Variants in STK3 observed in about 807,000 individuals in gnomAD.
STK3 encodes serine/threonine kinase 3.
In STK3, 41 loss-of-function variants were observed where a neutral mutation model predicts 58.0. The ratio of observed to expected loss-of-function variants is 0.71; its 90% CI spans 0.55 to 0.92. STK3 has a LOEUF of 0.92. STK3 is among the 40% of genes least tolerant of loss of function. The probability of loss-of-function intolerance (pLI) is 0.00; values close to 1 mark genes in which losing one functional copy is unlikely to be tolerated. For missense variants in STK3, 479 were observed against 602.7 expected (o/e 0.79, Z 2.15); for synonymous variants, 170 against 191.0 (o/e 0.89, Z 0.91).
At chr8:98,614,950 G>A (rs1009344981) in intron 6 of STK3, among the ~76,000 whole-genome samples, 2 of 152,198 alleles carry the variant, frequency 1.3e-5, no homozygotes, top group African/African-American at 2.4e-5. Flanking sequence ...CAACTGGGTG[G>A]AGCCCACCAG....
intron 6 of STK3, among the ~76,000 whole-genome samples, chr8:98,649,219 GT>G (rs564799985): frequency 1.3e-5 from 2 of 151,432 alleles, no homozygotes; most frequent in African/African-American, 4.9e-5. Flanking sequence ...CTAATTTGTA[GT>G]TTTTTTTAAT....
At chr8:98,720,409 C>T (rs2131179758) in intron 4 of STK3, among the ~76,000 whole-genome samples, 1 of 152,230 alleles carries the variant, frequency 6.6e-6, no homozygotes, top group South Asian at 2.1e-4. Flanking sequence ...ACTTCCATCC[C>T]ACCACTGCCA....
At position 98,872,203 on chromosome 8, in the gene STK3, G is replaced by A. The variant is rs201399287; in HGVS notation, c.110+11444C>T. Reference sequence around the variant, plus strand: ...TCCCAGGGGTGAAGCCAAGTTGATCGTGGTGGATAAGCTTTTTGATGTGCT... The same window carrying A: ...TCCCAGGGGTGAAGCCAAGTTGATCATGGTGGATAAGCTTTTTGATGTGCT... On this transcript the variant is annotated intron_variant, in intron 3 of 12. Coordinates refer to the STK3 transcript ENST00000523601. 5.9e-5 allele frequency among the ~76,000 whole-genome samples: 9 copies of A among 152,248 alleles called. No individual in the cohort carries two copies. In the East Asian group the frequency reaches 1.3e-3, roughly 23 times the overall value.
intron 3 of STK3, among the ~76,000 whole-genome samples, chr8:98,864,971 A>T (rs1469379353): frequency 4.6e-5 from 7 of 152,206 alleles, no homozygotes; most frequent in Non-Finnish European, 1.0e-4. Context: ...CAGAACTTGC[A>T]CATATCACTT....
At chr8:98,507,917 T>C (rs1824215901) in intron 10 of STK3, among the ~76,000 whole-genome samples, 1 of 152,196 alleles carries the variant, frequency 6.6e-6, no homozygotes, top group South Asian at 2.1e-4. Context: ...CTACTCAATA[T>C]TGCAAGCCCT....
At chr8:98,438,677 T>A (rs1818580407) in intron 1 of STK3, 2 of 148,162 alleles carry the variant, frequency 1.3e-5, no homozygotes, top group Non-Finnish European at 3.0e-5. Flanking sequence ...CATGTGTGTA[T>A]CTATGTGTGT....
intron 1 of STK3, chr8:98,782,619 C>T (rs1050614514): frequency 1.7e-5 from 4 of 229,356 alleles, no homozygotes; most frequent in Middle Eastern, 1.6e-3. Flanking sequence ...GAGGAAGAGA[C>T]GAGGAAATAA....
At position 98,571,202 on chromosome 8, in the gene STK3, C is replaced by T. The variant is rs543729463; in HGVS notation, c.948+8462G>A. Among the ~76,000 whole-genome samples the T allele has an allele frequency of 4.9e-4, 75 of 152,200 alleles. 2 individuals carry two copies. The South Asian group carries it at 0.012, about 24-fold the overall frequency. On this transcript the variant is annotated intron_variant, in intron 8 of 10. Transcript: ENST00000419617. Reference sequence around the variant, plus strand: ...AAAATTAGCTGGGCATGGTGGCACACGCCTGTAACCCTAGCTACCTGGGAG... The same window carrying T: ...AAAATTAGCTGGGCATGGTGGCACATGCCTGTAACCCTAGCTACCTGGGAG...
At chr8:98,735,720 G>C (rs1828526960) in intron 4 of STK3, among the ~76,000 whole-genome samples, 1 of 152,090 alleles carries the variant, frequency 6.6e-6, no homozygotes, top group Non-Finnish European at 1.5e-5. Context: ...TGCCAACTCT[G>C]TGATCTGGCC....
chr8:98,544,135 T>C (rs1810506181), intron 9 of STK3, among the ~76,000 whole-genome samples: 2 of 151,896 alleles, frequency 1.3e-5, no homozygotes, highest in Non-Finnish European at 1.5e-5. Flanking sequence ...GCCTCTAAGC[T>C]GGATATAGAA....
At chr8:98,432,109 T>C (rs1328746420) in intron 3 of STK3, 1 of 166,754 alleles carries the variant, frequency 6.0e-6, no homozygotes, top group African/African-American at 2.4e-5. Context: ...CACTGGGTCT[T>C]TGATCGACCT....
At position 98,500,550 on chromosome 8, in the gene STK3, C is replaced by T. The variant is rs538935079; in HGVS notation, c.1317+26192G>A. Among the ~76,000 whole-genome samples the T allele has an allele frequency of 2.6e-5, 4 of 151,904 alleles. No homozygotes were observed. In the East Asian group the frequency reaches 7.8e-4, roughly 30 times the overall value. ...ATGACAGGCCCCCATGTGTGATGTT[C>T]CCCGCCCTGTGTCCAAGTGTTCTCA... On this transcript the variant is annotated intron_variant, in intron 10 of 10. Coordinates refer to ENST00000419617, the MANE Select transcript of STK3 (RefSeq NM_006281.4).
intron 10 of STK3, among the ~76,000 whole-genome samples, chr8:98,469,217 A>G (rs1435731278): frequency 7.0e-6 from 1 of 142,220 alleles, no homozygotes; most frequent in Non-Finnish European, 1.5e-5. Context: ...TTAGATGATT[A>G]TAATACACGA....
At chr8:98,609,921 C>A (rs1032158151) in intron 6 of STK3, among the ~76,000 whole-genome samples, 1 of 150,384 alleles carries the variant, frequency 6.6e-6, no homozygotes, top group African/African-American at 2.5e-5. Flanking sequence ...GATCAGAGAT[C>A]GCACCACCGC....
At chr8:98,893,470 GAAAGAA>G (rs1279162223) in intron 1 of STK3, among the ~76,000 whole-genome samples, 6 of 76,362 alleles carry the variant, frequency 7.9e-5, no homozygotes, top group African/African-American at 3.3e-4. Context: ...AAGAAAGAAA[GAAAGAA>G]AGAAAGAAAG....
rs1470537849 is a variant in STK3 at position 98,825,678 on chromosome 8, G to C, written c.-138C>G. The C allele has an allele frequency of 8.9e-7, 1 of 1,123,078 alleles. No homozygotes were observed. Among genetic ancestry groups the C allele is most frequent in the Admixed American group, 5.3e-5 (1 of 19,038 alleles). The allele number at this position is 1,123,078 out of a possible 1,614,324, so 69.6% of individuals were successfully genotyped here. On this transcript the variant is annotated 5_prime_UTR_variant, in exon 1 of 11. Coordinates refer to ENST00000419617, the MANE Select transcript of STK3 (RefSeq NM_006281.4). Reference sequence around the variant, plus strand: ...CTCGGACCAACTTTCCCGTAACTCCGCGGCGGATCTCCCTCCCGCTTAGGA... The same window carrying C: ...CTCGGACCAACTTTCCCGTAACTCCCCGGCGGATCTCCCTCCCGCTTAGGA...
intron 1 of STK3, among the ~76,000 whole-genome samples, chr8:98,785,321 G>A (rs941682320): frequency 7.2e-5 from 11 of 152,192 alleles, no homozygotes; most frequent in African/African-American, 2.4e-4. Context: ...TTCATATCCA[G>A]GCAGATGTCC....
chr8:98,608,407 C>T (rs1816930357), intron 6 of STK3, among the ~76,000 whole-genome samples: 1 of 152,076 alleles, frequency 6.6e-6, no homozygotes, highest in South Asian at 2.1e-4. Flanking sequence ...TGAATGCAAA[C>T]CAGGGAAACT....
At chr8:98,503,733 G>C (rs1250066768) in intron 10 of STK3, among the ~76,000 whole-genome samples, 1 of 152,178 alleles carries the variant, frequency 6.6e-6, no homozygotes, top group Admixed American at 6.5e-5. Context: ...TCTTAATCCT[G>C]AGTTCTAGTC....
Sources: allele counts gnomAD v4.1 joint callset (sites outside exome capture counted in the v4.1 genomes callset), GRCh38; gene constraint gnomAD v4.1.1; transcripts MANE v1.5; gene names NCBI Gene and HGNC (gene_info 2026-07-23, HGNC 2026-07-21).